The following PTPRZ1 variants were observed in gnomAD, a reference collection of about 807,000 sequenced individuals.
PTPRZ1 encodes receptor-type tyrosine-protein phosphatase zeta.
PTPRZ1 carries 82 observed loss-of-function variants against 214.1 expected under a neutral mutation model. The ratio of observed to expected loss-of-function variants is 0.38; its 90% CI spans 0.32 to 0.46. The LOEUF is 0.46. PTPRZ1 is among the 20% of genes least tolerant of loss of function. The pLI is 1.00. For missense variants in PTPRZ1, 2,603 were observed against 2,748.7 expected (o/e 0.95, Z 1.19); for synonymous variants, 945 against 987.9 (o/e 0.96, Z 0.81).
intron 12 of PTPRZ1, among the ~76,000 whole-genome samples, chr7:122,017,584 TAG>T (rs1491250764): frequency 6.7e-6 from 1 of 150,156 alleles, no homozygotes; most frequent in African/African-American, 2.4e-5. Flanking sequence ...TATTTTGAGA[TAG>T]AGTCTCACTC....
Position 122,019,396 on chromosome 7 carries a change from G to A in PTPRZ1, c.4988+128G>A, listed in dbSNP as rs548897662. ...TGAGAGCTGCCATTAATTTATTCAA[G>A]GTAAATTTGTGAATCCAAAGGCACA... On this transcript the variant is annotated intron_variant, in intron 13 of 29. Coordinates refer to ENST00000393386, the MANE Select transcript of PTPRZ1 (RefSeq NM_002851.3). 1,941 of 960,536 alleles carry A rather than the reference G, an allele frequency of 2.0e-3. 6 individuals are homozygous for A. Among genetic ancestry groups the A allele is most frequent in the Non-Finnish European group, 2.7e-3 (1,776 of 645,956 alleles). 59.5% of individuals were successfully genotyped at this position (960,536 alleles called of 1,614,324 possible).
chr7:121,938,540 T>C (rs535325301), intron 2 of PTPRZ1, among the ~76,000 whole-genome samples: 9 of 152,340 alleles, frequency 5.9e-5, no homozygotes, highest in Admixed American at 2.0e-4. Flanking sequence ...TGCCTTCCCA[T>C]AGAAATTGGG....
intron 1 of PTPRZ1, among the ~76,000 whole-genome samples, chr7:121,902,500 T>G (rs1305681329): frequency 6.6e-6 from 1 of 152,156 alleles, no homozygotes; most frequent in Non-Finnish European, 1.5e-5. Context: ...GAGTTCTCCT[T>G]TCTTTATATC....
At position 122,012,188 on chromosome 7, in the gene PTPRZ1, T is replaced by G. The variant is rs1798690014; in HGVS notation, c.3142T>G (p.Tyr1048Asp). 7 of 1,613,828 alleles carry G rather than the reference T, an allele frequency of 4.3e-6. No homozygotes were observed. The highest frequency in any genetic ancestry group is 1.3e-5 in the African/African-American group (1 of 74,924). Residue 1048 changes from tyrosine to aspartate, a missense_variant, in exon 12 of 30, where the codon TAT (tyrosine) becomes GAT (aspartate). Physicochemically the swap from Tyr to Asp is radical, Grantham distance 160. This residue lies in a region of PTPRZ1 where 1,913 missense variants were observed against 1,914.3 expected (regional missense o/e 1.00). Transcript: ENST00000393386. ...GGCGCTTTCTAAAAGTGAAATAATATATGGAAATGAGACTGAACTGCAAAT... is the reference window on the plus strand; with the variant it reads ...GGCGCTTTCTAAAAGTGAAATAATAGATGGAAATGAGACTGAACTGCAAAT... ...NKALSKSEII[Y>D]GNETELQIPS...
chr7:121,908,189 A>G (rs1219729112), intron 1 of PTPRZ1, among the ~76,000 whole-genome samples: 1 of 152,110 alleles, frequency 6.6e-6, no homozygotes, highest in Non-Finnish European at 1.5e-5. Flanking sequence ...TGCCAGTGAA[A>G]TGTATTAGTG....
At chr7:121,924,981 A>C (rs754807826) in intron 1 of PTPRZ1, among the ~76,000 whole-genome samples, 1 of 152,112 alleles carries the variant, frequency 6.6e-6, no homozygotes, top group Admixed American at 6.6e-5. Context: ...TCTTGAAGGC[A>C]AGCATGCTAT....
intron 17 of PTPRZ1, among the ~76,000 whole-genome samples, chr7:122,035,780 C>T (rs1322994834): frequency 6.6e-6 from 1 of 152,214 alleles, no homozygotes; most frequent in Non-Finnish European, 1.5e-5. Flanking sequence ...TTCACTTCTT[C>T]ATCCTTGAAA....
chr7:121,939,237 G>A (rs1439092682), intron 2 of PTPRZ1, among the ~76,000 whole-genome samples: 1 of 152,158 alleles, frequency 6.6e-6, no homozygotes, highest in African/African-American at 2.4e-5. Context: ...TAGCATATAA[G>A]AAGTAGCTAA....
chr7:121,968,817 T>C (rs13246377), intron 3 of PTPRZ1, among the ~76,000 whole-genome samples: 9,187 of 152,154 alleles, frequency 0.06, 327 homozygotes, highest in Non-Finnish European at 0.085. Flanking sequence ...AAGACAAAGA[T>C]TAGAAAAATA....
At chr7:121,876,504 C>T (rs1332976530) in intron 1 of PTPRZ1, among the ~76,000 whole-genome samples, 1 of 152,126 alleles carries the variant, frequency 6.6e-6, no homozygotes, top group African/African-American at 2.4e-5. Context: ...AAATTATACC[C>T]AACTCCTCTG....
intron 14 of PTPRZ1, among the ~76,000 whole-genome samples, chr7:122,029,812 A>T (rs1799322026): frequency 1.3e-5 from 2 of 151,620 alleles, no homozygotes; most frequent in Admixed American, 1.3e-4. Context: ...TGTGCCTTAT[A>T]AACTTAGGAA....
At chr7:121,952,199 TGG>T (rs1796567283) in intron 2 of PTPRZ1, among the ~76,000 whole-genome samples, 1 of 152,090 alleles carries the variant, frequency 6.6e-6, no homozygotes, top group Non-Finnish European at 1.5e-5. Flanking sequence ...ACCTCGTGAT[TGG>T]CCGGCCTCGG....
intron 1 of PTPRZ1, among the ~76,000 whole-genome samples, chr7:121,877,626 G>T (rs1794101235): frequency 6.6e-6 from 1 of 152,114 alleles, no homozygotes; most frequent in South Asian, 2.1e-4. Context: ...AAGGCACCAT[G>T]CTAGGCGCTG....
intron 1 of PTPRZ1, among the ~76,000 whole-genome samples, chr7:121,916,762 C>T (rs150274240): frequency 6.6e-6 from 1 of 152,244 alleles, no homozygotes; most frequent in African/African-American, 2.4e-5. Context: ...CCAGTAAGAC[C>T]CAGTGCTGTC....
At chr7:122,057,979 C>CATATATATATATATACATATATATATAT (rs889083888) in intron 27 of PTPRZ1, among the ~76,000 whole-genome samples, 3 of 146,936 alleles carry the variant, frequency 2.0e-5, no homozygotes, top group African/African-American at 7.6e-5. Flanking sequence ...TATATATATA[C>CATATATATATATATACATATATATATAT]ATATATATAT....
chr7:121,892,679 CATATATATAT>C lies in PTPRZ1; in HGVS notation c.58+19157_58+19166del, dbSNP rs58030102. On this transcript the variant is annotated intron_variant, in intron 1 of 29. Coordinates refer to ENST00000393386, the MANE Select transcript of PTPRZ1 (RefSeq NM_002851.3). ...ATATCTTAGAGTTCTTCAAGCATCT[CATATATATAT>C]ATATATATATATATATATATATATA... Among the ~76,000 whole-genome samples, 875 of 98,166 alleles carry C rather than the reference CATATATATAT, an allele frequency of 8.9e-3. 10 individuals are homozygous for C. Among genetic ancestry groups the C allele is most frequent in the African/African-American group, 0.019 (568 of 29,364 alleles). 64.4% of individuals were successfully genotyped at this position (98,166 alleles called of 152,430 possible).
chr7:121,938,678 T>G, intron 2 of PTPRZ1, among the ~76,000 whole-genome samples: 1 of 149,062 alleles, frequency 6.7e-6, no homozygotes, highest in Non-Finnish European at 1.5e-5. Context: ...TGATATACAT[T>G]GCAAAACAAG....
intron 18 of PTPRZ1, among the ~76,000 whole-genome samples, chr7:122,037,183 G>A (rs887346376): frequency 6.6e-6 from 1 of 151,998 alleles, no homozygotes; most frequent in African/African-American, 2.4e-5. Context: ...GCTGAGGCAG[G>A]AGAATGGCGT....
intron 8 of PTPRZ1, among the ~76,000 whole-genome samples, chr7:121,991,301 T>C (rs941735832): frequency 6.6e-6 from 1 of 152,214 alleles, no homozygotes; most frequent in Non-Finnish European, 1.5e-5. Context: ...GTGAGTATGG[T>C]ATACTATTCA....
Sources: allele counts gnomAD v4.1 joint callset (sites outside exome capture counted in the v4.1 genomes callset), GRCh38; gene constraint gnomAD v4.1.1; regional missense constraint gnomAD v4.1.1; transcripts MANE v1.5; gene names NCBI Gene and HGNC (gene_info 2026-07-23, HGNC 2026-07-21).